The following IMMP2L variants were observed in gnomAD, a reference collection of about 807,000 sequenced individuals.
IMMP2L encodes the protein mitochondrial inner membrane protease subunit 2.
IMMP2L carries 18 observed loss-of-function variants against 19.3 expected under a neutral mutation model. The observed-to-expected ratio is 0.93, with a 90% CI of 0.64 to 1.38. The LOEUF is 1.38. IMMP2L is among the 40% of genes most tolerant of loss of function. IMMP2L has a pLI of 0.00. For synonymous variants in IMMP2L, 76 were observed against 73.0 expected, an observed-to-expected ratio of 1.04 and a Z score of -0.21; for missense variants, 233 against 218.2, an observed-to-expected ratio of 1.07 and a Z score of -0.43.
intron 3 of IMMP2L, among the ~76,000 whole-genome samples, chr7:111,429,281 C>CA (rs1369013099): frequency 6.6e-6 from 1 of 151,354 alleles, no homozygotes; most frequent in Non-Finnish European, 1.5e-5. Flanking sequence ...GGCATCAACA[C>CA]AAAAAAAGGC....
At chr7:110,786,447 T>C (rs1004766698) in intron 5 of IMMP2L, among the ~76,000 whole-genome samples, 2 of 152,004 alleles carry the variant, frequency 1.3e-5, no homozygotes, top group African/African-American at 4.8e-5. Context: ...GCTACAGTTT[T>C]GTGAAATTGC....
rs549529111 is a variant in IMMP2L at position 111,046,422 on chromosome 7, A to G, written c.240-82857T>C. On this transcript the variant is annotated intron_variant, in intron 3 of 5. Coordinates refer to ENST00000405709, the MANE Select transcript of IMMP2L (RefSeq NM_032549.4). ...AAAAGAGAGAAAGGGAAACAAAATTAGGAGAAATAATGAAAAAGAAGTTTC... is the reference window on the plus strand; with the variant it reads ...AAAAGAGAGAAAGGGAAACAAAATTGGGAGAAATAATGAAAAAGAAGTTTC... Among the ~76,000 whole-genome samples the G allele has an allele frequency of 4.6e-5, 7 of 152,266 alleles. No homozygotes were observed. In the South Asian group the frequency reaches 1.5e-3, roughly 32 times the overall value.
chr7:110,806,240 T>G (rs1163499572), intron 5 of IMMP2L, among the ~76,000 whole-genome samples: 1 of 146,596 alleles, frequency 6.8e-6, no homozygotes, highest in African/African-American at 2.5e-5. Context: ...AGTTGGTTCA[T>G]GTTCTGGCTC....
chr7:111,517,527 A>G (rs1386618876), intron 2 of IMMP2L, among the ~76,000 whole-genome samples: 2 of 152,060 alleles, frequency 1.3e-5, no homozygotes, highest in African/African-American at 4.8e-5. Flanking sequence ...TTAAATGTGG[A>G]AAGCATATAC....
At chr7:111,496,706 C>T (rs963890422) in intron 2 of IMMP2L, among the ~76,000 whole-genome samples, 1 of 152,174 alleles carries the variant, frequency 6.6e-6, no homozygotes, top group African/African-American at 2.4e-5. Flanking sequence ...GAACCAGCAG[C>T]CCCCAGGTCT....
intron 5 of IMMP2L, among the ~76,000 whole-genome samples, chr7:110,679,090 A>G (rs528887473): frequency 6.6e-6 from 1 of 152,232 alleles, no homozygotes; most frequent in East Asian, 1.9e-4. Flanking sequence ...ATAACTACAG[A>G]ATCATGCATA....
chr7:110,796,606 G>A (rs929963935), intron 5 of IMMP2L, among the ~76,000 whole-genome samples: 1 of 151,872 alleles, frequency 6.6e-6, no homozygotes, highest in Non-Finnish European at 1.5e-5. Context: ...ACTATATTAT[G>A]TTATTTCATA....
At chr7:110,916,383 TG>T (rs1429902421) in intron 4 of IMMP2L, among the ~76,000 whole-genome samples, 1 of 152,176 alleles carries the variant, frequency 6.6e-6, no homozygotes, top group African/African-American at 2.4e-5. Flanking sequence ...ATAGAGAAAA[TG>T]CATCTGGTGT....
intron 3 of IMMP2L, among the ~76,000 whole-genome samples, chr7:111,479,733 C>T (rs948561410): frequency 6.6e-6 from 1 of 152,006 alleles, no homozygotes; most frequent in African/African-American, 2.4e-5. Flanking sequence ...AAACAGCATT[C>T]TCAGAGACTA....
At chr7:111,521,745 C>A (rs1424283596) in intron 1 of IMMP2L, among the ~76,000 whole-genome samples, 5 of 152,088 alleles carry the variant, frequency 3.3e-5, no homozygotes, top group East Asian at 1.9e-4. Context: ...GAAGTAAATT[C>A]TTTTCTGTTG....
At chr7:111,023,764 A>T (rs1248050142) in intron 3 of IMMP2L, among the ~76,000 whole-genome samples, 1 of 152,166 alleles carries the variant, frequency 6.6e-6, no homozygotes, top group Non-Finnish European at 1.5e-5. Context: ...GGATTCTTAA[A>T]CTTCATGAAT....
chr7:110,685,246 G>A (rs1010228551), intron 5 of IMMP2L, among the ~76,000 whole-genome samples: 13 of 152,106 alleles, frequency 8.5e-5, no homozygotes, highest in South Asian at 4.1e-4. Flanking sequence ...CACAAAGAGC[G>A]CAAGCTTTGG....
At chr7:111,502,407 TCAA>T (rs1298598760) in intron 2 of IMMP2L, among the ~76,000 whole-genome samples, 1 of 152,120 alleles carries the variant, frequency 6.6e-6, no homozygotes, top group African/African-American at 2.4e-5. Flanking sequence ...ATTAGACAGA[TCAA>T]CGAGACAGAA....
intron 3 of IMMP2L, chr7:111,100,074 A>G (rs952932865): frequency 4.6e-5 from 7 of 151,474 alleles, no homozygotes; most frequent in African/African-American, 1.7e-4. Flanking sequence ...CCTGATTTGA[A>G]CCCTGAATGT....
intron 5 of IMMP2L, among the ~76,000 whole-genome samples, chr7:110,824,928 T>A (rs913398670): frequency 2.0e-5 from 3 of 152,202 alleles, no homozygotes; most frequent in African/African-American, 7.2e-5. Context: ...CATGATTGTA[T>A]ATCTAGAAAA....
chr7:111,230,622 T>C (rs184783313), intron 3 of IMMP2L, among the ~76,000 whole-genome samples: 2 of 152,178 alleles, frequency 1.3e-5, no homozygotes, highest in Admixed American at 1.3e-4. Flanking sequence ...TATTTATTCA[T>C]TCCACCAAAT....
intron 5 of IMMP2L, among the ~76,000 whole-genome samples, chr7:110,734,552 T>TA (rs1796487577): frequency 6.6e-6 from 1 of 152,088 alleles, no homozygotes; most frequent in African/African-American, 2.4e-5. Flanking sequence ...AAGCAGAACT[T>TA]AAAGGTTTGG....
intron 3 of IMMP2L, among the ~76,000 whole-genome samples, chr7:111,279,552 A>G (rs1819472604): frequency 6.6e-6 from 1 of 152,158 alleles, no homozygotes; most frequent in African/African-American, 2.4e-5. Context: ...TGAATTACGA[A>G]AACCCTTTTT....
intron 1 of IMMP2L, among the ~76,000 whole-genome samples, 174 bp downstream of exon 1, chr7:111,561,677 A>C (rs1290145807): frequency 6.6e-6 from 1 of 152,114 alleles, no homozygotes; most frequent in Non-Finnish European, 1.5e-5. Context: ...GGCTGAAAAC[A>C]GTCCGGGGCC....
Sources: gnomAD v4.1 joint callset for allele counts (sites outside exome capture counted in the v4.1 genomes callset) on GRCh38, gnomAD v4.1.1 for gene constraint, MANE v1.5 for transcripts, NCBI Gene and HGNC (gene_info 2026-07-23, HGNC 2026-07-21) for gene names.